Variants in SYNE2 observed in about 807,000 individuals in gnomAD.
The protein encoded by SYNE2 is spectrin repeat containing nuclear envelope protein 2.
SYNE2 carries 431 observed loss-of-function variants against 856.3 expected under a neutral mutation model. That is an observed-to-expected ratio of 0.50 (90% CI 0.47 to 0.55). SYNE2 has a LOEUF of 0.55. SYNE2 is among the 20% of genes least tolerant of loss of function. The pLI is 0.00. For missense variants in SYNE2, 8,129 were observed against 8,023.2 expected, an observed-to-expected ratio of 1.01 and a Z score of -0.50; for synonymous variants, 2,923 against 2,872.3, an observed-to-expected ratio of 1.02 and a Z score of -0.56.
At chr14:63,889,046 CAAAAAAAAAAA>C (rs200729691) in intron 1 of SYNE2, among the ~76,000 whole-genome samples, 23,150 of 108,778 alleles carry the variant, frequency 0.21, 1,513 homozygotes, top group African/African-American at 0.43. Flanking sequence ...TACTAAAATA[CAAAAAAAAAAA>C]AAAAAAAAAA....
In SYNE2 at chr14:64,089,628, A is replaced by T; in HGVS notation, c.11725A>T (p.Ile3909Phe). Residue 3909 changes from isoleucine to phenylalanine, a missense_variant, in exon 59 of 116, where the codon ATC (isoleucine) becomes TTC (phenylalanine). Physicochemically the swap from Ile to Phe is conservative, Grantham distance 21 (BLOSUM62 0). Coordinates refer to ENST00000555002, the MANE Select transcript of SYNE2 (RefSeq NM_182914.3). ...VKSMEKRVSK[I>F]KTILLSKEIF... ...ATCAATGGAAAAAAGAGTTTCAAAAATCAAAACTATCCTATTATCAAAAGA... is the reference window on the plus strand; with the variant it reads ...ATCAATGGAAAAAAGAGTTTCAAAATTCAAAACTATCCTATTATCAAAAGA... The T allele has an allele frequency of 6.2e-7, 1 of 1,606,470 alleles. No homozygotes were observed. Among genetic ancestry groups the T allele is most frequent in the East Asian group, 2.2e-5 (1 of 44,662 alleles).
At chr14:63,894,554 C>T (rs949894203) in intron 1 of SYNE2, among the ~76,000 whole-genome samples, 6 of 151,824 alleles carry the variant, frequency 4.0e-5, no homozygotes, top group Admixed American at 2.6e-4. Flanking sequence ...ATTGCTGGAA[C>T]GGGAGTGTGC....
chr14:63,930,899 C>A (rs1050924786), intron 2 of SYNE2, among the ~76,000 whole-genome samples: 1 of 152,072 alleles, frequency 6.6e-6, no homozygotes, highest in Admixed American at 6.6e-5. Context: ...AATTATTGAA[C>A]CTGAGGAGGG....
intron 1 of SYNE2, among the ~76,000 whole-genome samples, chr14:63,827,694 AT>A (rs199844958): frequency 2.0e-5 from 3 of 146,678 alleles, no homozygotes; most frequent in Admixed American, 6.8e-5. Context: ...TGGGCAAAGG[AT>A]TTTTTTTTAC....
chr14:63,922,569 A>G (rs2095613557), intron 2 of SYNE2, among the ~76,000 whole-genome samples: 1 of 152,178 alleles, frequency 6.6e-6, no homozygotes, highest in Non-Finnish European at 1.5e-5. Context: ...GTGGGAGGAT[A>G]GCTTGAGCTC....
Position 63,963,936 on chromosome 14 carries a change from A to G in SYNE2, c.926A>G (p.Gln309Arg). ...VKDAMGWLTLQKEKLQKLLKD... is the reference protein window; with the variant it reads ...VKDAMGWLTLRKEKLQKLLKD... ...GATGCTATGGGCTGGTTAACTCTGCAAAAGGAAAAACTACAGAAGTTGCTA... is the reference window on the plus strand; with the variant it reads ...GATGCTATGGGCTGGTTAACTCTGCGAAAGGAAAAACTACAGAAGTTGCTA... Residue 309 changes from glutamine to arginine, a missense_variant, in exon 10 of 116, where the codon CAA becomes CGA. Transcript: ENST00000555002. The G allele has an allele frequency of 6.2e-7, 1 of 1,613,232 alleles. No homozygotes were observed. Among genetic ancestry groups the G allele is most frequent in the Non-Finnish European group, 8.5e-7 (1 of 1,179,306 alleles).
upstream of SYNE2, among the ~76,000 whole-genome samples, chr14:63,850,113 C>T (rs1410183691): frequency 6.9e-6 from 1 of 144,426 alleles, no homozygotes; most frequent in African/African-American, 2.6e-5. Context: ...TGGAGTTTCG[C>T]TCTTGTTGCC....
At position 64,225,629 on chromosome 14, in the gene SYNE2, G is replaced by A. The variant is rs112904973; in HGVS notation, c.*103G>A. 1,666 of 1,298,326 alleles carry A rather than the reference G, an allele frequency of 1.3e-3. 17 individuals are homozygous for A. In the African/African-American group the frequency reaches 0.021, roughly 16 times the overall value. 80.4% of individuals were successfully genotyped at this position (1,298,326 alleles called of 1,614,324 possible). Reference sequence around the variant, plus strand: ...AGTGACTTAGTGTTGGCAAGGTCCCGGGACCTGTGCAGACTTCTTCTGGGC... The same window carrying A: ...AGTGACTTAGTGTTGGCAAGGTCCCAGGACCTGTGCAGACTTCTTCTGGGC... On this transcript the variant is annotated 3_prime_UTR_variant, in exon 116 of 116. Transcript: ENST00000555002.
At chr14:63,967,610 C>T (rs2096412303) in intron 10 of SYNE2, 99 bp from the exon 11 acceptor site, 2 of 1,322,370 alleles carry the variant, frequency 1.5e-6, no homozygotes, top group Non-Finnish European at 1.0e-6. Context: ...TAAGTAAAAA[C>T]TTAAATATAT....
chr14:63,994,638 A>G (rs996081384), intron 22 of SYNE2, among the ~76,000 whole-genome samples: 5 of 152,210 alleles, frequency 3.3e-5, no homozygotes, highest in African/African-American at 1.2e-4. Context: ...GTGATACATT[A>G]GTATTAACTA....
intron 56 of SYNE2, 132 bp from the exon 57 acceptor site, chr14:64,081,311 C>G (rs370632119): frequency 9.2e-7 from 1 of 1,090,666 alleles, no homozygotes; most frequent in Non-Finnish European, 1.4e-6. Context: ...AATAAGTAGC[C>G]CCAGCCATGG....
At chr14:63,938,083 G>T (rs186064413) in intron 2 of SYNE2, among the ~76,000 whole-genome samples, 19 of 152,302 alleles carry the variant, frequency 1.2e-4, no homozygotes, top group Admixed American at 1.2e-3. Context: ...CAGGGCAGAA[G>T]ACAAGTGTAT....
At position 63,936,572 on chromosome 14, in the gene SYNE2, G is replaced by A. The variant is rs145773088; in HGVS notation, c.80-4042G>A. Among the ~76,000 whole-genome samples, 65 of 152,292 alleles carry A rather than the reference G, an allele frequency of 4.3e-4. 1 individual carries two copies. The South Asian group carries it at 6.8e-3, about 16-fold the overall frequency. On this transcript the variant is annotated intron_variant, in intron 2 of 115. Transcript: ENST00000555002. ...ACAGCTGGTGCCAAAGCCTAAGGTG[G>A]GAATGGGCCTGGGGAGTTTGAGGAA...
chr14:63,965,163 A>G (rs1453579065), intron 10 of SYNE2, among the ~76,000 whole-genome samples: 1 of 151,880 alleles, frequency 6.6e-6, no homozygotes, highest in African/African-American at 2.4e-5. Context: ...GGTTTTCACT[A>G]TGTTGGCCAG....
intron 84 of SYNE2, among the ~76,000 whole-genome samples, chr14:64,150,455 A>G (rs1157910275): frequency 6.6e-6 from 1 of 152,146 alleles, no homozygotes; most frequent in Admixed American, 6.5e-5. Flanking sequence ...TCCTGGGCTC[A>G]AGTGATCCAC....
chr14:64,119,096 C>T (rs1024917114), intron 66 of SYNE2, among the ~76,000 whole-genome samples: 1 of 152,170 alleles, frequency 6.6e-6, no homozygotes, highest in Non-Finnish European at 1.5e-5. Flanking sequence ...GGACTGGGAT[C>T]TGAAACCAGA....
chr14:64,051,821 G>A lies in SYNE2; in HGVS notation c.7908G>A (p.Gln2636=), dbSNP rs921612210. 6.2e-7 allele frequency: 1 copy of A among 1,614,088 alleles called. No homozygotes were observed. The highest frequency in any genetic ancestry group is 8.5e-7 in the Non-Finnish European group (1 of 1,180,014). Residue 2636 remains glutamine, a synonymous_variant, in exon 48 of 116, where the codon CAG becomes CAA. Coordinates refer to ENST00000555002, the MANE Select transcript of SYNE2 (RefSeq NM_182914.3). ...DEFTTLMNKV[Q]DTEISLQQQQ... is the part of the protein sequence containing the mutation. ...TTACAACCCTCATGAATAAGGTACAGGACACTGAGATTTCTCTGCAACAGC... is the reference window on the plus strand; with the variant it reads ...TTACAACCCTCATGAATAAGGTACAAGACACTGAGATTTCTCTGCAACAGC...
intron 68 of SYNE2, 129 bp from the exon 69 acceptor site, chr14:64,121,883 A>T (rs2097901550): frequency 1.6e-6 from 2 of 1,269,412 alleles, no homozygotes; most frequent in African/African-American, 1.5e-5. Context: ...ACAGGAATGC[A>T]AGAAAGAGAA....
intron 1 of SYNE2, among the ~76,000 whole-genome samples, chr14:63,792,279 A>T (rs527931869): frequency 6.6e-6 from 1 of 152,168 alleles, no homozygotes; most frequent in African/African-American, 2.4e-5. Flanking sequence ...TAAGAGCTGG[A>T]GTCACCTGTA....
Sources: allele counts gnomAD v4.1 joint callset (sites outside exome capture counted in the v4.1 genomes callset), GRCh38; gene constraint gnomAD v4.1.1; transcripts MANE v1.5; gene names NCBI Gene and HGNC (gene_info 2026-07-23, HGNC 2026-07-21).